The following RWDD4 variants were observed in gnomAD, a reference collection of about 807,000 sequenced individuals.
RWDD4 encodes RWD domain-containing protein 4.
Under a neutral mutation model 30.0 loss-of-function variants are expected in RWDD4, and 16 were observed. That is an observed-to-expected ratio of 0.53 (90% CI 0.36 to 0.81). RWDD4 has a LOEUF of 0.81. Among genes scored for constraint, RWDD4 ranks in the 30% least tolerant of loss-of-function variants. The pLI, the probability that RWDD4 is intolerant of heterozygous loss-of-function variation, is 0.00. For missense variants in RWDD4, 170 were observed against 223.9 expected (o/e 0.76, Z 1.54); for synonymous variants, 45 against 72.1 (o/e 0.62, Z 1.90).
At chr4:183,641,513 A>G (rs1473220001) in intron 7 of RWDD4, 45 bp from the exon 8 acceptor site, 2 of 1,447,204 alleles carry the variant, frequency 1.4e-6, no homozygotes, top group Non-Finnish European at 1.9e-6. Flanking sequence ...GTATTTTCTG[A>G]GTTCACTATT....
chr4:183,656,071 TTA>T, intron 1 of RWDD4, 110 bp from the exon 2 acceptor site: 2 of 691,182 alleles, frequency 2.9e-6, no homozygotes, highest in Non-Finnish European at 5.1e-6. Flanking sequence ...CTTGACTAAC[TTA>T]TATAACCTTA....
At chr4:183,654,742 T>C (rs528023030) in intron 2 of RWDD4, among the ~76,000 whole-genome samples, 85 of 152,308 alleles carry the variant, frequency 5.6e-4, no homozygotes, top group African/African-American at 2.0e-3. Flanking sequence ...TTGAGGTCCA[T>C]GGTTATTACA....
intron 7 of RWDD4, among the ~76,000 whole-genome samples, chr4:183,643,376 A>C (rs13126460): frequency 1.6e-5 from 2 of 126,818 alleles, no homozygotes; most frequent in East Asian, 5.0e-4. Context: ...AAATTGCGCC[A>C]CTGAACTCCA....
At chr4:183,652,341 TC>T (rs1734093748) in intron 2 of RWDD4, among the ~76,000 whole-genome samples, 1 of 143,768 alleles carries the variant, frequency 7.0e-6, no homozygotes. Flanking sequence ...TTTACAACAG[TC>T]CCCAGCCCTC....
At chr4:183,652,806 C>G (rs998382699) in intron 2 of RWDD4, among the ~76,000 whole-genome samples, 3 of 140,868 alleles carry the variant, frequency 2.1e-5, no homozygotes, top group Non-Finnish European at 4.5e-5. Context: ...AAGACTCCAT[C>G]TCAAAAAAAA....
intron 5 of RWDD4, among the ~76,000 whole-genome samples, chr4:183,648,058 T>C (rs1299845008): frequency 2.0e-5 from 3 of 151,844 alleles, no homozygotes; most frequent in African/African-American, 7.3e-5. Context: ...GCCTGCCCAA[T>C]ATGGTGAAAC....
At chr4:183,650,049 T>C (rs768178575) in intron 4 of RWDD4, among the ~76,000 whole-genome samples, 1 of 152,222 alleles carries the variant, frequency 6.6e-6, no homozygotes, top group Admixed American at 6.5e-5. Context: ...TCAGGGTATA[T>C]GATAGCTAAA....
intron 5 of RWDD4, among the ~76,000 whole-genome samples, chr4:183,649,096 C>T (rs910216837): frequency 6.6e-6 from 1 of 151,422 alleles, no homozygotes; most frequent in Non-Finnish European, 1.5e-5. Flanking sequence ...CACTAAGAAG[C>T]AATCCATTTA....
At chr4:183,645,578 T>C in intron 7 of RWDD4, among the ~76,000 whole-genome samples, 1 of 136,640 alleles carries the variant, frequency 7.3e-6, no homozygotes, top group East Asian at 2.1e-4. Context: ...GAGAACAGCC[T>C]GGGCAACATA....
intron 7 of RWDD4, among the ~76,000 whole-genome samples, chr4:183,643,372 C>T (rs911449031): frequency 1.2e-4 from 14 of 112,506 alleles, no homozygotes; most frequent in South Asian, 2.8e-4. Flanking sequence ...CCTGAAATTG[C>T]GCCACTGAAC....
At chr4:183,642,187 T>A in intron 7 of RWDD4, among the ~76,000 whole-genome samples, 1 of 97,168 alleles carries the variant, frequency 1.0e-5, no homozygotes, top group Non-Finnish European at 2.0e-5. Context: ...TTCTTAAAAT[T>A]TTTTTTTTTT....
chr4:183,641,471 A>G lies in RWDD4; in HGVS notation c.535-3T>C. On this transcript the variant is annotated splice_region_variant and splice_polypyrimidine_tract_variant and intron_variant, in intron 7 of 7. Transcript: ENST00000326397. Reference sequence around the variant, plus strand: ...TCCTTAGAGCCAGTTTTGCTTAACTATAAAAAAAAGAGAGAAAATAGTCAA... The same window carrying G: ...TCCTTAGAGCCAGTTTTGCTTAACTGTAAAAAAAAGAGAGAAAATAGTCAA... 1 of 1,604,168 alleles carries G rather than the reference A, an allele frequency of 6.2e-7. No homozygotes were observed. The highest frequency in any genetic ancestry group is 8.5e-7 in the Non-Finnish European group (1 of 1,173,348).
At chr4:183,646,806 T>TAATGCCAGGAA (rs747544384) in intron 5 of RWDD4, among the ~76,000 whole-genome samples, 30 of 152,242 alleles carry the variant, frequency 2.0e-4, no homozygotes, top group Non-Finnish European at 5.9e-5. Flanking sequence ...GATGGGTTGG[T>TAATGCCAGGAA]AATGCCAGGA....
intron 7 of RWDD4, among the ~76,000 whole-genome samples, chr4:183,644,085 A>T (rs547548060): frequency 6.7e-6 from 1 of 149,350 alleles, no homozygotes; most frequent in East Asian, 2.0e-4. Flanking sequence ...CAACACCTTT[A>T]GATCAGATTC....
At chr4:183,643,340 T>C (rs568565226) in intron 7 of RWDD4, among the ~76,000 whole-genome samples, 1 of 127,720 alleles carries the variant, frequency 7.8e-6, no homozygotes, top group African/African-American at 3.0e-5. Context: ...CGCTTGAACC[T>C]GGGAGGCAGA....
chr4:183,641,582 A>G, intron 7 of RWDD4, 114 bp from the exon 8 acceptor site: 1 of 779,350 alleles, frequency 1.3e-6, no homozygotes, highest in Non-Finnish European at 2.2e-6. Flanking sequence ...TAAATCACCT[A>G]CAGTTTTTAC....
intron 1 of RWDD4, 124 bp from the exon 2 acceptor site, chr4:183,656,085 A>G (rs371985717): frequency 3.3e-5 from 21 of 640,752 alleles, no homozygotes; most frequent in East Asian, 2.1e-4. Flanking sequence ...ATAACCTTAG[A>G]TACTTACCAC....
chr4:183,644,086 G>C (rs1406156499), intron 7 of RWDD4, among the ~76,000 whole-genome samples: 1 of 149,100 alleles, frequency 6.7e-6, no homozygotes. Flanking sequence ...AACACCTTTA[G>C]ATCAGATTCT....
chr4:183,656,389 A>G (rs888657929), intron 1 of RWDD4, among the ~76,000 whole-genome samples: 2 of 152,220 alleles, frequency 1.3e-5, no homozygotes, highest in African/African-American at 4.8e-5. Flanking sequence ...ATTTACATAC[A>G]TTTCTTTTAT....
Sources: allele counts gnomAD v4.1 joint callset (sites outside exome capture counted in the v4.1 genomes callset), GRCh38; gene constraint gnomAD v4.1.1; transcripts MANE v1.5; gene names NCBI Gene and HGNC (gene_info 2026-07-23, HGNC 2026-07-21).